Variants in RAPGEF4 observed in about 807,000 individuals in gnomAD.
The protein encoded by RAPGEF4 is Rap guanine nucleotide exchange factor 4.
In RAPGEF4, 66 loss-of-function variants were observed where a neutral mutation model predicts 147.9. The observed-to-expected ratio is 0.45, with a 90% CI of 0.37 to 0.55. The LOEUF is 0.55. Ranked by LOEUF, RAPGEF4 falls within the 20% of genes least tolerant of loss-of-function variation. RAPGEF4 has a pLI of 0.00. For synonymous variants in RAPGEF4, 419 were observed against 442.7 expected, an observed-to-expected ratio of 0.95 and a Z score of 0.67; for missense variants, 1,071 against 1,257.3, an observed-to-expected ratio of 0.85 and a Z score of 2.24.
chr2:172,891,607 T>C lies in RAPGEF4; in HGVS notation c.445-26195T>C, dbSNP rs76604804. On this transcript the variant is annotated intron_variant, in intron 4 of 30. Transcript: ENST00000397081. ...TTGACAGTGGTTCTGCGTGGTGGGA[T>C]CAGAGGCAGATGGAAGGGGACATAG... is the stretch of plus-strand genomic sequence containing the variant. 5.8e-3 allele frequency among the ~76,000 whole-genome samples: 878 copies of C among 152,162 alleles called. 8 individuals carry two copies. Among genetic ancestry groups the C allele is most frequent in the African/African-American group, 0.02 (847 of 41,520 alleles).
chr2:172,943,729 G>A (rs1351231984), intron 6 of RAPGEF4, among the ~76,000 whole-genome samples: 5 of 152,142 alleles, frequency 3.3e-5, no homozygotes. Flanking sequence ...AAACCCTTTC[G>A]CTGTCTTGCC....
At chr2:173,044,114 G>A (rs1359078820) in intron 29 of RAPGEF4, among the ~76,000 whole-genome samples, 2 of 152,210 alleles carry the variant, frequency 1.3e-5, no homozygotes, top group African/African-American at 2.4e-5. Flanking sequence ...CACTCACAGA[G>A]TGCTGGCCGG....
intron 6 of RAPGEF4, among the ~76,000 whole-genome samples, chr2:172,952,675 A>G (rs1230339386): frequency 2.0e-5 from 3 of 152,226 alleles, no homozygotes. Context: ...AACCATTCTT[A>G]CTGGTAAGAA....
At chr2:172,981,019 A>C (rs1691625281) in intron 10 of RAPGEF4, among the ~76,000 whole-genome samples, 1 of 152,202 alleles carries the variant, frequency 6.6e-6, no homozygotes, top group Non-Finnish European at 1.5e-5. Context: ...TTATATAAAC[A>C]CTTTTCCTAA....
At chr2:173,013,512 T>C (rs1378026534) in intron 17 of RAPGEF4, among the ~76,000 whole-genome samples, 1 of 152,230 alleles carries the variant, frequency 6.6e-6, no homozygotes, top group Non-Finnish European at 1.5e-5. Flanking sequence ...AGTTGTTTTA[T>C]GAACTAATTA....
intron 3 of RAPGEF4, among the ~76,000 whole-genome samples, chr2:172,798,424 C>T (rs1026458064): frequency 1.3e-5 from 2 of 152,094 alleles, no homozygotes; most frequent in African/African-American, 2.4e-5. Context: ...CCAAGAATCT[C>T]GAGTCTGAAA....
intron 4 of RAPGEF4, among the ~76,000 whole-genome samples, chr2:172,859,826 G>A (rs1008133107): frequency 6.6e-5 from 10 of 152,058 alleles, no homozygotes; most frequent in African/African-American, 2.2e-4. Context: ...TACTGTTTTC[G>A]AGCATAAATC....
intron 26 of RAPGEF4, among the ~76,000 whole-genome samples, chr2:173,031,449 C>T (rs1697186452): frequency 6.6e-6 from 1 of 152,208 alleles, no homozygotes. Flanking sequence ...CTAGGGTCCT[C>T]CTGCAAAGAG....
chr2:173,047,778 G>A (rs12474484), intron 29 of RAPGEF4, among the ~76,000 whole-genome samples: 37,464 of 151,366 alleles, frequency 0.25, 4,948 homozygotes, highest in East Asian at 0.62. Flanking sequence ...CCAGGTTCAC[G>A]CCATTCTCCT....
chr2:172,847,904 A>G (rs1332085212), intron 4 of RAPGEF4, among the ~76,000 whole-genome samples: 3 of 152,150 alleles, frequency 2.0e-5, no homozygotes, highest in African/African-American at 7.2e-5. Flanking sequence ...ATTGGGGCCC[A>G]TGGATGTGGT....
intron 2 of RAPGEF4, among the ~76,000 whole-genome samples, chr2:172,795,807 A>G (rs1391230430): frequency 1.3e-5 from 2 of 152,222 alleles, no homozygotes; most frequent in Non-Finnish European, 2.9e-5. Context: ...GAAGTGACTC[A>G]GTGAAATTAT....
rs568149101 is a variant in RAPGEF4, at chr2:172,982,948, G to A, written c.1005-548G>A. Among the ~76,000 whole-genome samples, 8 of 152,082 alleles carry A rather than the reference G, an allele frequency of 5.3e-5. No homozygotes were observed. The East Asian group carries it at 1.4e-3, about 26-fold the overall frequency. ...TCATCTCATGCCCTTATCTCCTCAGGGCTAGAAAAGAAAATGTTGAGTCTG... is the reference window on the plus strand; with the variant it reads ...TCATCTCATGCCCTTATCTCCTCAGAGCTAGAAAAGAAAATGTTGAGTCTG... On this transcript the variant is annotated intron_variant, in intron 10 of 30. Coordinates refer to ENST00000397081, the MANE Select transcript of RAPGEF4 (RefSeq NM_007023.4).
chr2:172,745,166 A>G (rs923596282), intron 1 of RAPGEF4, among the ~76,000 whole-genome samples: 1 of 152,136 alleles, frequency 6.6e-6, no homozygotes, highest in Non-Finnish European at 1.5e-5. Context: ...ATGAACTTAT[A>G]TAAGATCAAT....
At chr2:172,991,524 G>T (rs879724282) in intron 15 of RAPGEF4, among the ~76,000 whole-genome samples, 1 of 152,196 alleles carries the variant, frequency 6.6e-6, no homozygotes, top group Non-Finnish European at 1.5e-5. Flanking sequence ...TTCAGTTCCA[G>T]CTTTTGCTGC....
At chr2:173,019,987 AT>A (rs1008422563) in intron 22 of RAPGEF4, among the ~76,000 whole-genome samples, 5 of 151,696 alleles carry the variant, frequency 3.3e-5, no homozygotes, top group African/African-American at 7.3e-5. Context: ...TTGGAGTGGG[AT>A]TTTTTTTCTG....
In RAPGEF4 at chr2:173,018,763, G is replaced by A. The variant is rs61741755; in HGVS notation, c.2116G>A (p.Gly706Arg). ...ISAVADKLGS[G>R]EGLIIVKMSS... ...TGCAGTTGCCGACAAGCTGGGCTCCGGGGAGGGCCTGATCATAGTCAAGAT... is the reference window on the plus strand; with the variant it reads ...TGCAGTTGCCGACAAGCTGGGCTCCAGGGAGGGCCTGATCATAGTCAAGAT... Residue 706 changes from glycine (G) to arginine (R), a missense_variant, in exon 22 of 31, where the codon GGG becomes AGG. Transcript: ENST00000397081. 1.8e-3 allele frequency: 2,916 copies of A among 1,613,982 alleles called. 3 individuals carry two copies. Among genetic ancestry groups the A allele is most frequent in the Non-Finnish European group, 1.6e-3 (1,944 of 1,179,984 alleles).
rs539065130 is a variant in RAPGEF4, at chr2:172,877,716, G to C, written c.445-40086G>C. On this transcript the variant is annotated intron_variant, in intron 4 of 30. Coordinates refer to ENST00000397081, the MANE Select transcript of RAPGEF4 (RefSeq NM_007023.4). ...AAGACCCCTTCCTTCTGCCCTTGCT[G>C]CCTGTATTCTGGAAAGCACCCAGCC... 6.1e-4 allele frequency among the ~76,000 whole-genome samples: 93 copies of C among 152,094 alleles called. 1 individual carries two copies. The South Asian group carries it at 0.019, about 31-fold the overall frequency.
At chr2:172,950,528 GTTGTGTTTTTATGTATTC>G (rs1688112606) in intron 6 of RAPGEF4, among the ~76,000 whole-genome samples, 1 of 152,092 alleles carries the variant, frequency 6.6e-6, no homozygotes, top group African/African-American at 2.4e-5. Flanking sequence ...TAAGGATTAT[GTTGTGTTTTTATGTATTC>G]TTGTGTTTTT....
chr2:172,839,163 CCAGGT>C (rs1214645124), intron 4 of RAPGEF4, among the ~76,000 whole-genome samples: 14 of 152,094 alleles, frequency 9.2e-5, no homozygotes, highest in African/African-American at 3.1e-4. Context: ...CCTTATAAAG[CCAGGT>C]CATTGGCTTT....
Sources: allele counts gnomAD v4.1 joint callset (sites outside exome capture counted in the v4.1 genomes callset), GRCh38; gene constraint gnomAD v4.1.1; transcripts MANE v1.5; gene names NCBI Gene and HGNC (gene_info 2026-07-23, HGNC 2026-07-21).